BEND6: variants seen among roughly 807,000 people sequenced by gnomAD.
BEND6 encodes the protein BEN domain-containing protein 6.
BEND6 carries 24 observed loss-of-function variants against 31.8 expected under a neutral mutation model. The observed-to-expected ratio is 0.75, with a 90% confidence interval of 0.55 to 1.06. The LOEUF is 1.06. BEND6 is among the 50% of genes least tolerant of loss of function. The probability of loss-of-function intolerance (pLI) is 0.00; values close to 1 mark genes in which losing one functional copy is unlikely to be tolerated. For synonymous variants in BEND6, 109 were observed against 114.6 expected, an observed-to-expected ratio of 0.95 and a Z score of 0.31; for missense variants, 294 against 327.4, an observed-to-expected ratio of 0.90 and a Z score of 0.79.
chr6:56,963,474 T>G (rs1390063388), intron 1 of BEND6, among the ~76,000 whole-genome samples: 1 of 152,214 alleles, frequency 6.6e-6, no homozygotes, highest in Admixed American at 6.5e-5. Context: ...TGGGTAAATT[T>G]GACCCAGCAT....
chr6:56,987,548 G>T (rs1384737404), intron 2 of BEND6, among the ~76,000 whole-genome samples: 3 of 152,128 alleles, frequency 2.0e-5, no homozygotes, highest in African/African-American at 7.2e-5. Flanking sequence ...CCATTTATCT[G>T]TATGTCTCTA....
chr6:57,021,107 T>C (rs953819762), intron 6 of BEND6, among the ~76,000 whole-genome samples: 1 of 152,232 alleles, frequency 6.6e-6, no homozygotes, highest in African/African-American at 2.4e-5. Context: ...TGGAAATGCA[T>C]GTATTTTGAA....
chr6:57,020,875 A>T (rs1175909048), intron 6 of BEND6, among the ~76,000 whole-genome samples: 1 of 148,510 alleles, frequency 6.7e-6, no homozygotes, highest in Non-Finnish European at 1.5e-5. Context: ...ACTTCCAAGG[A>T]TAGGCACAAA....
intron 1 of BEND6, among the ~76,000 whole-genome samples, chr6:56,963,836 A>C (rs1039870896): frequency 1.1e-4 from 12 of 112,984 alleles, no homozygotes; most frequent in Non-Finnish European, 1.7e-4. Flanking sequence ...AATTAATATA[A>C]TATAACTAAT....
intron 1 of BEND6, chr6:56,975,715 T>G (rs1427673618): frequency 1.1e-5 from 5 of 470,354 alleles, no homozygotes; most frequent in African/African-American, 1.0e-4. Context: ...TATTGAGTTT[T>G]GGGATATTTT....
At chr6:56,987,919 C>A (rs1297022587) in intron 2 of BEND6, among the ~76,000 whole-genome samples, 1 of 152,016 alleles carries the variant, frequency 6.6e-6, no homozygotes, top group Non-Finnish European at 1.5e-5. Flanking sequence ...AATGTTACAA[C>A]TTATAAGCAT....
At position 56,988,178 on chromosome 6, in the gene BEND6, G is replaced by A. The variant is rs901376091; in HGVS notation, c.121-4200G>A. ...ACTACAGGTGCATGCCATCAGGCCC[G>A]GCTAATTTTTTGTATTTTTAGTTGA... is the stretch of plus-strand genomic sequence containing the variant. On this transcript the variant is annotated intron_variant, in intron 2 of 6. Coordinates refer to ENST00000370746, the MANE Select transcript of BEND6 (RefSeq NM_152731.3). Among the ~76,000 whole-genome samples, 148 of 151,862 alleles carry A rather than the reference G, an allele frequency of 9.7e-4. 1 individual carries two copies. The highest frequency in any genetic ancestry group is 3.2e-3 in the African/African-American group (134 of 41,444).
chr6:56,981,723 C>T lies in BEND6; in HGVS notation c.-88C>T. 6.8e-7 allele frequency: 1 copy of T among 1,478,242 alleles called. No individual in the cohort carries two copies. The highest frequency in any genetic ancestry group is 1.2e-5 in the South Asian group (1 of 80,242). The allele number at this position is 1,478,242 out of a possible 1,614,324, so 91.6% of individuals were successfully genotyped here. ...TTTTGTTTTTAAGGGAAAGCATTAA[C>T]TTTTGAGCTACGTCCAGAATAGCAT... is the stretch of plus-strand genomic sequence containing the variant. On this transcript the variant is annotated 5_prime_UTR_variant, in exon 2 of 7. Transcript: ENST00000370746.
At chr6:56,977,675 C>T (rs1381080221) in intron 1 of BEND6, among the ~76,000 whole-genome samples, 1 of 152,120 alleles carries the variant, frequency 6.6e-6, no homozygotes, top group Non-Finnish European at 1.5e-5. Flanking sequence ...GTATATGATT[C>T]AGCCAGACAC....
chr6:56,969,359 T>C (rs1351134488), intron 1 of BEND6, among the ~76,000 whole-genome samples: 2 of 152,214 alleles, frequency 1.3e-5, no homozygotes, highest in African/African-American at 4.8e-5. Flanking sequence ...CCTATCTTGC[T>C]ATGCAGCTGG....
At chr6:57,019,676 C>G (rs779059950) in intron 6 of BEND6, among the ~76,000 whole-genome samples, 1 of 152,262 alleles carries the variant, frequency 6.6e-6, no homozygotes, top group Middle Eastern at 3.4e-3. Flanking sequence ...CCAGCTCTGC[C>G]GAGAGTCAAC....
intron 1 of BEND6, among the ~76,000 whole-genome samples, chr6:56,962,079 G>A (rs1252847178): frequency 6.6e-6 from 1 of 152,204 alleles, no homozygotes; most frequent in Non-Finnish European, 1.5e-5. Flanking sequence ...TACTTTAGGA[G>A]TGGATTTGTT....
chr6:57,012,082 G>GC (rs1827368104), intron 3 of BEND6, among the ~76,000 whole-genome samples: 1 of 152,310 alleles, frequency 6.6e-6, no homozygotes, highest in South Asian at 2.1e-4. Flanking sequence ...CCGAGATCAT[G>GC]CCACTGCACT....
At chr6:56,978,224 A>G (rs1825957355) in intron 1 of BEND6, among the ~76,000 whole-genome samples, 1 of 152,130 alleles carries the variant, frequency 6.6e-6, no homozygotes, top group Non-Finnish European at 1.5e-5. Context: ...TCAAGGCTGC[A>G]GTGACTTAGG....
chr6:56,963,784 ATATTACTATTAATAAATTAATATAATT>A (rs1028816042), intron 1 of BEND6, among the ~76,000 whole-genome samples: 13 of 149,062 alleles, frequency 8.7e-5, no homozygotes, highest in Admixed American at 2.7e-4. Context: ...TAATAATAAA[ATATTACTATTAATAAATTAATATAATT>A]TATTACTATT....
At chr6:56,997,492 C>T (rs1826764535) in intron 3 of BEND6, among the ~76,000 whole-genome samples, 2 of 152,222 alleles carry the variant, frequency 1.3e-5, no homozygotes, top group Admixed American at 6.5e-5. Flanking sequence ...GACTAGACTT[C>T]TGGCAACAGA....
At chr6:57,010,721 A>T (rs975673096) in intron 3 of BEND6, 2 of 895,218 alleles carry the variant, frequency 2.2e-6, no homozygotes, top group Non-Finnish European at 1.3e-6. Context: ...CAGCCTACTT[A>T]TGAAAAGATA....
At chr6:57,010,955 G>A (rs903833800) in intron 3 of BEND6, 6 of 412,050 alleles carry the variant, frequency 1.5e-5, no homozygotes, top group African/African-American at 4.3e-5. Flanking sequence ...AATATATAAG[G>A]GAGTTAATAA....
chr6:57,009,914 TATA>T (rs1827288057), intron 3 of BEND6: 1 of 152,214 alleles, frequency 6.6e-6, no homozygotes, highest in Non-Finnish European at 1.5e-5. Context: ...CTGCCATTAC[TATA>T]TGAAATGAAC....
Sources: allele counts gnomAD v4.1 joint callset (sites outside exome capture counted in the v4.1 genomes callset), GRCh38; gene constraint gnomAD v4.1.1; transcripts MANE v1.5; gene names NCBI Gene and HGNC (gene_info 2026-07-23, HGNC 2026-07-21).